IL16: variants seen among roughly 807,000 people sequenced by gnomAD.
IL16 encodes interleukin 16, also known as pro-interleukin-16.
In IL16, 67 loss-of-function variants were observed where a neutral mutation model predicts 110.1. The ratio of observed to expected loss-of-function variants is 0.61; its 90% CI spans 0.50 to 0.75. The LOEUF (loss-of-function observed/expected upper bound fraction) is 0.75, where lower values mean the gene tolerates loss of function less well. IL16 is among the 30% of genes least tolerant of loss of function. IL16 has a pLI of 0.00. For missense variants in IL16, 1,545 were observed against 1,655.0 expected (o/e 0.93, Z 1.15); for synonymous variants, 689 against 662.9 (o/e 1.04, Z -0.61).
chr15:81,304,389 A>G (rs993864220), intron 16 of IL16, among the ~76,000 whole-genome samples: 7 of 152,180 alleles, frequency 4.6e-5, no homozygotes, highest in African/African-American at 1.7e-4. Context: ...TCTGTCCATG[A>G]GTAGCAACTT....
At chr15:81,288,625 AC>A (rs1270236194) in intron 10 of IL16, among the ~76,000 whole-genome samples, 1 of 152,140 alleles carries the variant, frequency 6.6e-6, no homozygotes, top group Non-Finnish European at 1.5e-5. Flanking sequence ...ATGTTCTCCT[AC>A]CAGCAAATCC....
intron 1 of IL16, among the ~76,000 whole-genome samples, chr15:81,208,194 T>G (rs1346329299): frequency 2.6e-5 from 4 of 152,232 alleles, no homozygotes. Context: ...TGTCTGTTCA[T>G]GTCCTTTGCC....
intron 12 of IL16, among the ~76,000 whole-genome samples, chr15:81,294,254 C>CA (rs1282721401): frequency 1.3e-5 from 2 of 152,214 alleles, no homozygotes; most frequent in Non-Finnish European, 2.9e-5. Context: ...GGCTGGTTAG[C>CA]AACACATGAT....
At chr15:81,306,716 C>A in intron 18 of IL16, 171 bp downstream of exon 18, 1 of 790,456 alleles carries the variant, frequency 1.3e-6, no homozygotes, top group South Asian at 1.4e-5. Flanking sequence ...ACTTTTTCTC[C>A]TTTGCTCAGA....
intron 1 of IL16, among the ~76,000 whole-genome samples, chr15:81,199,018 T>TAAAA (rs1895705686): frequency 3.3e-5 from 2 of 60,076 alleles, no homozygotes; most frequent in East Asian, 6.4e-4. Flanking sequence ...AGACTCCATC[T>TAAAA]CAAAAAAAAA....
At chr15:81,273,290 T>C in intron 6 of IL16, 86 bp downstream of exon 6, 2 of 965,856 alleles carry the variant, frequency 2.1e-6, no homozygotes, top group Non-Finnish European at 3.1e-6. Context: ...ATGTTGGGAA[T>C]GCAAAATGTG....
intron 9 of IL16, among the ~76,000 whole-genome samples, chr15:81,283,013 C>G (rs1899259726): frequency 6.6e-6 from 1 of 152,152 alleles, no homozygotes; most frequent in Non-Finnish European, 1.5e-5. Flanking sequence ...GCTTTGCACC[C>G]CAGCCCCTCT....
At chr15:81,288,443 T>C (rs1006615705) in intron 10 of IL16, among the ~76,000 whole-genome samples, 1 of 152,242 alleles carries the variant, frequency 6.6e-6, no homozygotes, top group Non-Finnish European at 1.5e-5. Context: ...TTTATTGTTG[T>C]TTATTGTGGT....
intron 1 of IL16, among the ~76,000 whole-genome samples, chr15:81,214,115 G>A (rs1896344068): frequency 2.0e-5 from 3 of 152,030 alleles, no homozygotes; most frequent in Admixed American, 2.0e-4. Flanking sequence ...CTCTTGTAAG[G>A]CTTGTCTAGT....
At chr15:81,222,753 C>T (rs1896660458) in intron 1 of IL16, among the ~76,000 whole-genome samples, 1 of 151,492 alleles carries the variant, frequency 6.6e-6, no homozygotes, top group Non-Finnish European at 1.5e-5. Flanking sequence ...CAGACACACA[C>T]ACACACACAC....
Position 81,225,691 on chromosome 15 carries a change from A to G in IL16, c.292A>G (p.Arg98Gly), listed in dbSNP as rs759476639. 3.1e-6 allele frequency: 5 copies of G among 1,609,956 alleles called. No homozygotes were observed. In the Admixed American group the frequency reaches 6.7e-5, roughly 22 times the overall value. Residue 98 changes from arginine (R) to glycine (G), a missense_variant, in exon 2 of 19, where the codon AGG becomes GGG. Arg to Gly is a moderately radical substitution (Grantham distance 125). Around this residue, in one of 3 missense-constraint regions of IL16, gnomAD observed 1,185 missense variants for 1,238.8 expected, o/e 0.96. Transcript: ENST00000683961. ...TGGGAATGATCGAGGCAAGACCTGTAGGAGGATATTCTTCATGAAGGTATG... is the reference window on the plus strand; with the variant it reads ...TGGGAATGATCGAGGCAAGACCTGTGGGAGGATATTCTTCATGAAGGTATG... Reference protein sequence around the residue: ...AAGNDRGKTCRRIFFMKESST... With the variant: ...AAGNDRGKTCGRIFFMKESST...
At chr15:81,204,609 A>C (rs1212399610) in intron 1 of IL16, among the ~76,000 whole-genome samples, 1 of 152,150 alleles carries the variant, frequency 6.6e-6, no homozygotes, top group Admixed American at 6.5e-5. Flanking sequence ...GGTTCTGTTT[A>C]TATGCTGGAT....
At chr15:81,288,914 G>A (rs1261650366) in intron 10 of IL16, among the ~76,000 whole-genome samples, 1 of 151,826 alleles carries the variant, frequency 6.6e-6, no homozygotes, top group Non-Finnish European at 1.5e-5. Flanking sequence ...TCCACCTTTT[G>A]ACTATTGTGA....
chr15:81,313,155 G>A lies in IL16; in HGVS notation c.*4357G>A, dbSNP rs934991656. On this transcript the variant is annotated 3_prime_UTR_variant, in exon 19 of 19. Coordinates refer to ENST00000683961, the MANE Select transcript of IL16 (RefSeq NM_172217.5). Reference sequence around the variant, plus strand: ...GCAGTCCATCAGCTTGTTCCAAAGAGTGAACACAGGCCTCTGCGTGCTCCC... The same window carrying A: ...GCAGTCCATCAGCTTGTTCCAAAGAATGAACACAGGCCTCTGCGTGCTCCC... 17 of 1,347,590 alleles carry A rather than the reference G, an allele frequency of 1.3e-5. No homozygotes were observed. In the African/African-American group the frequency reaches 1.8e-4, roughly 14 times the overall value. 83.5% of individuals were successfully genotyped at this position (1,347,590 alleles called of 1,614,324 possible).
At chr15:81,249,312 C>T (rs1897683881) in intron 2 of IL16, among the ~76,000 whole-genome samples, 1 of 152,146 alleles carries the variant, frequency 6.6e-6, no homozygotes, top group Non-Finnish European at 1.5e-5. Context: ...CTTTGCCTCA[C>T]AGGCCTTCAT....
intron 2 of IL16, among the ~76,000 whole-genome samples, chr15:81,233,448 G>A (rs986674326): frequency 6.9e-6 from 1 of 144,568 alleles, no homozygotes. Flanking sequence ...TGATACATAT[G>A]TCTTCTCTTT....
At chr15:81,196,621 G>A (rs1054102581), upstream of IL16, among the ~76,000 whole-genome samples, 3 of 152,138 alleles carry the variant, frequency 2.0e-5, no homozygotes, top group African/African-American at 7.2e-5. Flanking sequence ...GCTACCTTTC[G>A]GCTCTCCTAG....
intron 18 of IL16, 144 bp downstream of exon 18, chr15:81,306,689 T>A (rs776252388): frequency 1.0e-6 from 1 of 1,002,454 alleles, no homozygotes; most frequent in Admixed American, 1.7e-5. Context: ...CTTTTAGGGC[T>A]CAATTCTGCT....
chr15:81,231,571 C>G (rs1332499537), intron 2 of IL16, among the ~76,000 whole-genome samples: 3 of 152,106 alleles, frequency 2.0e-5, no homozygotes, highest in Non-Finnish European at 4.4e-5. Flanking sequence ...TGGGGTTTCA[C>G]CATGTTGCCC....
Sources: allele counts gnomAD v4.1 joint callset (sites outside exome capture counted in the v4.1 genomes callset), GRCh38; gene constraint gnomAD v4.1.1; regional missense constraint gnomAD v4.1.1; transcripts MANE v1.5; gene names NCBI Gene and HGNC (gene_info 2026-07-23, HGNC 2026-07-21).